Variants in CSMD1 observed in about 807,000 individuals in gnomAD.
CSMD1 encodes CUB and Sushi multiple domains 1.
Under a neutral mutation model 417.5 loss-of-function variants are expected in CSMD1, and 213 were observed. That is an observed-to-expected ratio of 0.51 (90% CI 0.46 to 0.57). The LOEUF is 0.57. Among genes scored for constraint, CSMD1 ranks in the 20% least tolerant of loss-of-function variants. The probability of loss-of-function intolerance (pLI) is 0.00; values close to 1 mark genes in which losing one functional copy is unlikely to be tolerated. For synonymous variants in CSMD1, 2,862 were observed against 1,736.8 expected (o/e 1.65, Z -16.11); for missense variants, 6,923 against 4,529.7 (o/e 1.53, Z -15.17).
At chr8:3,190,485 GATA>G (rs1302349863) in intron 33 of CSMD1, among the ~76,000 whole-genome samples, 1 of 152,170 alleles carries the variant, frequency 6.6e-6, no homozygotes, top group East Asian at 1.9e-4. Flanking sequence ...TCCTGCTAGT[GATA>G]ATGAGATGAC....
chr8:4,111,046 A>G lies in CSMD1; in HGVS notation c.416-78947T>C, dbSNP rs116439402. Among the ~76,000 whole-genome samples, 859 of 152,292 alleles carry G rather than the reference A, an allele frequency of 5.6e-3. 7 individuals are homozygous for G. Among genetic ancestry groups the G allele is most frequent in the African/African-American group, 0.019 (809 of 41,572 alleles). On this transcript the variant is annotated intron_variant, in intron 3 of 69. Transcript: ENST00000635120. ...ACTCCCTGCGAAAGGAAATAACTTAATAAACCTTGCACCGCATGGAAAAAT... is the reference window on the plus strand; with the variant it reads ...ACTCCCTGCGAAAGGAAATAACTTAGTAAACCTTGCACCGCATGGAAAAAT...
intron 2 of CSMD1, among the ~76,000 whole-genome samples, chr8:4,534,745 A>G (rs1323063998): frequency 6.6e-6 from 1 of 151,880 alleles, no homozygotes; most frequent in African/African-American, 2.4e-5. Context: ...AACTCCATCC[A>G]CGTACAATTT....
chr8:2,960,554 C>A (rs561929825), intron 62 of CSMD1, among the ~76,000 whole-genome samples: 4 of 152,254 alleles, frequency 2.6e-5, no homozygotes, highest in African/African-American at 9.6e-5. Flanking sequence ...ATTTCTCCAA[C>A]GTTCACTGAA....
intron 2 of CSMD1, among the ~76,000 whole-genome samples, chr8:4,453,823 T>C (rs1158411558): frequency 2.3e-5 from 3 of 127,982 alleles, no homozygotes; most frequent in Admixed American, 1.6e-4. Context: ...TCTTTTTTTT[T>C]TTTTTTTTTT....
intron 7 of CSMD1, among the ~76,000 whole-genome samples, chr8:3,622,093 A>C (rs983649568): frequency 9.9e-5 from 15 of 151,916 alleles, no homozygotes; most frequent in Non-Finnish European, 1.6e-4. Context: ...CACAGTCTGC[A>C]CTATGTGCTG....
intron 54 of CSMD1, among the ~76,000 whole-genome samples, chr8:2,979,146 A>G (rs1004087114): frequency 6.6e-6 from 1 of 152,190 alleles, no homozygotes; most frequent in African/African-American, 2.4e-5. Context: ...TCGTTTAAAT[A>G]TTTTTACTCA....
At chr8:3,239,963 G>A (rs1396525694) in intron 26 of CSMD1, among the ~76,000 whole-genome samples, 1 of 151,656 alleles carries the variant, frequency 6.6e-6, no homozygotes, top group Non-Finnish European at 1.5e-5. Flanking sequence ...AGGAGCCGGG[G>A]AGCAGAAAGT....
At chr8:3,179,454 A>G (rs1441324098) in intron 37 of CSMD1, among the ~76,000 whole-genome samples, 1 of 152,226 alleles carries the variant, frequency 6.6e-6, no homozygotes, top group East Asian at 1.9e-4. Context: ...CTCAAAGTTC[A>G]TCTGAATGAG....
At chr8:4,881,427 C>T (rs1585256766) in intron 1 of CSMD1, among the ~76,000 whole-genome samples, 1 of 45,158 alleles carries the variant, frequency 2.2e-5, no homozygotes, top group Non-Finnish European at 6.7e-5. Context: ...ATCTATCTAT[C>T]TATCTATCTA....
intron 1 of CSMD1, among the ~76,000 whole-genome samples, chr8:4,760,249 T>C (rs1009531760): frequency 6.6e-6 from 1 of 152,200 alleles, no homozygotes; most frequent in Non-Finnish European, 1.5e-5. Flanking sequence ...TAGAGTACTA[T>C]TTGCTTAAAA....
intron 3 of CSMD1, among the ~76,000 whole-genome samples, chr8:4,296,603 T>C (rs1393206968): frequency 1.3e-5 from 1 of 78,172 alleles, no homozygotes; most frequent in African/African-American, 4.0e-5. Flanking sequence ...ATTTACTTCA[T>C]ATTTTATAAT....
Position 2,935,640 on chromosome 8 carries a change from A to G in CSMD1, c.*2945T>C, listed in dbSNP as rs1801400849. ...ATCAAAAAATTACAGCATATTTAAT[A>G]ATTTTACAAATTCTTCATAAAAAAT... On this transcript the variant is annotated 3_prime_UTR_variant, in exon 70 of 70. Coordinates refer to ENST00000635120, the MANE Select transcript of CSMD1 (RefSeq NM_033225.6). The G allele has an allele frequency of 6.6e-6, 1 of 152,214 alleles. No homozygotes were observed. The highest frequency in any genetic ancestry group is 2.1e-4 in the South Asian group (1 of 4,830). 9.4% of individuals were successfully genotyped at this position (152,214 alleles called of 1,614,324 possible).
intron 3 of CSMD1, among the ~76,000 whole-genome samples, chr8:4,198,190 CAG>C (rs1189366693): frequency 4.6e-5 from 7 of 152,192 alleles, no homozygotes; most frequent in African/African-American, 7.2e-5. Context: ...TCATTCCAAG[CAG>C]AGAGTCCAAG....
At chr8:4,116,920 T>G (rs1414525464) in intron 3 of CSMD1, among the ~76,000 whole-genome samples, 1 of 152,032 alleles carries the variant, frequency 6.6e-6, no homozygotes, top group Non-Finnish European at 1.5e-5. Flanking sequence ...ACTCGAAATG[T>G]GTACCATCCT....
rs73658283 is a variant in CSMD1 at position 3,802,990 on chromosome 8, T to C, written c.819-48948A>G. Reference sequence around the variant, plus strand: ...TTCATGATCATGTTGTAGGGTGAAATATTTATTATTTCCTTTTGTAATGAT... The same window carrying C: ...TTCATGATCATGTTGTAGGGTGAAACATTTATTATTTCCTTTTGTAATGAT... On this transcript the variant is annotated intron_variant, in intron 5 of 69. Transcript: ENST00000635120. Among the ~76,000 whole-genome samples, 250 of 152,288 alleles carry C rather than the reference T, an allele frequency of 1.6e-3. 1 individual carries two copies. Among genetic ancestry groups the C allele is most frequent in the African/African-American group, 4.8e-3 (198 of 41,558 alleles).
intron 3 of CSMD1, among the ~76,000 whole-genome samples, chr8:4,084,949 A>C (rs184016279): frequency 1.3e-5 from 2 of 152,328 alleles, no homozygotes; most frequent in Admixed American, 1.3e-4. Flanking sequence ...TTGGGAAAGC[A>C]CCTGCAGAAA....
rs577931824 is a variant in CSMD1, at chr8:3,720,973, A to G, written c.932-12482T>C. On this transcript the variant is annotated intron_variant, in intron 6 of 69. Transcript: ENST00000635120. Reference sequence around the variant, plus strand: ...TGGGATTACAGGCACCCACCACTACACCCGGCTAATTTATTTTTTTTGTAT... The same window carrying G: ...TGGGATTACAGGCACCCACCACTACGCCCGGCTAATTTATTTTTTTTGTAT... 6.6e-5 allele frequency among the ~76,000 whole-genome samples: 10 copies of G among 150,622 alleles called. No individual in the cohort carries two copies. In the South Asian group the frequency reaches 1.7e-3, roughly 25 times the overall value.
intron 37 of CSMD1, among the ~76,000 whole-genome samples, chr8:3,167,359 A>G (rs1820294967): frequency 6.6e-6 from 1 of 152,028 alleles, no homozygotes; most frequent in Non-Finnish European, 1.5e-5. Context: ...GGCAAAAACC[A>G]CAATTATTTT....
chr8:3,156,566 T>C (rs1329597674), intron 39 of CSMD1, among the ~76,000 whole-genome samples: 2 of 152,074 alleles, frequency 1.3e-5, no homozygotes, highest in Non-Finnish European at 2.9e-5. Context: ...CACCTGCAGG[T>C]GGGAGCTCAG....
Sources: gnomAD v4.1 joint callset for allele counts (sites outside exome capture counted in the v4.1 genomes callset) on GRCh38, gnomAD v4.1.1 for gene constraint, MANE v1.5 for transcripts, NCBI Gene and HGNC (gene_info 2026-07-23, HGNC 2026-07-21) for gene names.